MINDY4B: variants seen among roughly 807,000 people sequenced by gnomAD.
MINDY4B encodes inactive ubiquitin carboxyl-terminal hydrolase MINDY-4B.
MINDY4B carries 25 observed loss-of-function variants against 16.7 expected under a neutral mutation model. The ratio of observed to expected loss-of-function variants is 1.49; its 90% CI spans 1.09 to 2.09. MINDY4B has a LOEUF of 2.09. MINDY4B is among the 30% of genes most tolerant of loss of function. The pLI is 0.00. For synonymous variants in MINDY4B, 132 were observed against 61.9 expected, an observed-to-expected ratio of 2.13 and a Z score of -5.32; for missense variants, 327 against 168.4, an observed-to-expected ratio of 1.94 and a Z score of -5.21.
chr3:150,899,773 A>G (rs1300990778), intron 3 of MINDY4B, among the ~76,000 whole-genome samples: 1 of 152,192 alleles, frequency 6.6e-6, no homozygotes, highest in Non-Finnish European at 1.5e-5. Flanking sequence ...GAGGTGCGCT[A>G]GAGGATTATC....
Position 150,891,069 on chromosome 3 carries a change from C to A in MINDY4B, c.556G>T (p.Ala186Ser). 1 of 702,788 alleles carries A rather than the reference C, an allele frequency of 1.4e-6. No homozygotes were observed. The highest frequency in any genetic ancestry group is 2.6e-6 in the Non-Finnish European group (1 of 384,798). 43.5% of individuals were successfully genotyped at this position (702,788 alleles called of 1,614,324 possible). Residue 186 changes from alanine (A) to serine (S), a missense_variant, in exon 6 of 12, where the codon GCC (alanine) becomes TCC (serine). By Grantham distance (99) the Ala-to-Ser change is moderately conservative. Coordinates refer to ENST00000465419, the MANE Select transcript of MINDY4B (RefSeq NM_001351281.2). ...CEISKKEQEQ[A>S]LAAALAGILW... ...ATGCCAGCAAGCGCCGCGGCCAAGG[C>A]TTGCTCCTGCTCCTTCTTGCTTATT...
At chr3:150,902,640 T>G (rs1200883441) in intron 3 of MINDY4B, among the ~76,000 whole-genome samples, 1 of 152,216 alleles carries the variant, frequency 6.6e-6, no homozygotes, top group African/African-American at 2.4e-5. Context: ...CCTGGCTGGA[T>G]CTCTGCCTCA....
chr3:150,873,994 A>C (rs564917461), intron 10 of MINDY4B, among the ~76,000 whole-genome samples: 166 of 142,658 alleles, frequency 1.2e-3, no homozygotes, highest in Non-Finnish European at 2.2e-3. Context: ...TTGTCAATCA[A>C]TTTAGCCTTG....
intron 10 of MINDY4B, among the ~76,000 whole-genome samples, chr3:150,877,953 A>C (rs1711499293): frequency 6.6e-6 from 1 of 152,180 alleles, no homozygotes; most frequent in Non-Finnish European, 1.5e-5. Flanking sequence ...AGTGGACAGA[A>C]TGTGATCATT....
chr3:150,901,817 G>A (rs557334893), intron 3 of MINDY4B, among the ~76,000 whole-genome samples: 27 of 152,212 alleles, frequency 1.8e-4, no homozygotes, highest in African/African-American at 5.5e-4. Flanking sequence ...CACCATGCCC[G>A]GCCAAGGCAG....
chr3:150,872,974 C>A (rs1486253313), intron 11 of MINDY4B, among the ~76,000 whole-genome samples: 1 of 152,096 alleles, frequency 6.6e-6, no homozygotes, highest in South Asian at 2.1e-4. Flanking sequence ...TATTTCTAAC[C>A]CCCCTGCTCC....
At chr3:150,890,236 A>C (rs1345315306) in intron 7 of MINDY4B, 84 bp downstream of exon 7, 1 of 415,544 alleles carries the variant, frequency 2.4e-6, no homozygotes, top group African/African-American at 2.1e-5. Context: ...AACAGGCATC[A>C]TTAGAAATAG....
intron 2 of MINDY4B, among the ~76,000 whole-genome samples, chr3:150,904,096 G>C (rs891033764): frequency 1.4e-4 from 21 of 152,204 alleles, no homozygotes; most frequent in African/African-American, 3.9e-4. Flanking sequence ...TAGAGGCAAA[G>C]ATTCTTTCTT....
chr3:150,898,035 CTCTA>C (rs113864538), intron 3 of MINDY4B, among the ~76,000 whole-genome samples: 11,178 of 152,270 alleles, frequency 0.073, 704 homozygotes, highest in African/African-American at 0.17. Flanking sequence ...TACTGAACCT[CTCTA>C]AGACTTAATT....
chr3:150,872,724 G>T (rs78668933), intron 11 of MINDY4B, among the ~76,000 whole-genome samples: 1 of 152,116 alleles, frequency 6.6e-6, no homozygotes, highest in Non-Finnish European at 1.5e-5. Flanking sequence ...TCAAAAATGC[G>T]TTTTGTGCTC....
At chr3:150,884,640 T>TA (rs11409903) in intron 8 of MINDY4B, among the ~76,000 whole-genome samples, 103,335 of 152,100 alleles carry the variant, frequency 0.68, 35,872 homozygotes, top group African/African-American at 0.82. Context: ...ACATACAGCA[T>TA]AAAATGTGAT....
At chr3:150,896,434 G>A (rs769566625) in intron 3 of MINDY4B, among the ~76,000 whole-genome samples, 53 of 152,186 alleles carry the variant, frequency 3.5e-4, no homozygotes, top group Admixed American at 6.5e-4. Context: ...CTTTCTGGTG[G>A]GGGAAGGGGG....
chr3:150,899,732 G>A (rs1421782560), intron 3 of MINDY4B, among the ~76,000 whole-genome samples: 1 of 152,106 alleles, frequency 6.6e-6, no homozygotes, highest in Non-Finnish European at 1.5e-5. Flanking sequence ...GCATCTGGAG[G>A]GGCACACAAA....
At chr3:150,876,727 G>T (rs1366160344) in intron 10 of MINDY4B, among the ~76,000 whole-genome samples, 3 of 152,282 alleles carry the variant, frequency 2.0e-5, no homozygotes, top group South Asian at 4.2e-4. Flanking sequence ...GATGTGTGCT[G>T]CCAGGGCTGC....
chr3:150,898,385 G>A (rs1712031407), intron 3 of MINDY4B, among the ~76,000 whole-genome samples: 1 of 152,198 alleles, frequency 6.6e-6, no homozygotes. Flanking sequence ...TCTGTTGCCA[G>A]TTCCCACCTC....
At chr3:150,873,391 G>A (rs1488645009) in intron 10 of MINDY4B, 24 bp from the exon 11 acceptor site, 1 of 699,344 alleles carries the variant, frequency 1.4e-6, no homozygotes, top group Admixed American at 2.0e-5. Flanking sequence ...GGGGAATGCA[G>A]ATAAATATAT....
At chr3:150,896,208 G>C (rs1711955426) in intron 3 of MINDY4B, among the ~76,000 whole-genome samples, 2 of 152,096 alleles carry the variant, frequency 1.3e-5, no homozygotes, top group Admixed American at 1.3e-4. Flanking sequence ...TGTGTCCACT[G>C]TTTCTTGAAG....
At position 150,882,836 on chromosome 3, in the gene MINDY4B, C is replaced by T. The variant is rs558820405; in HGVS notation, c.1059+61G>A. 1,006 of 637,252 alleles carry T rather than the reference C, an allele frequency of 1.6e-3. 2 individuals carry two copies. Among genetic ancestry groups the T allele is most frequent in the Admixed American group, 2.6e-3 (114 of 44,214 alleles). The allele number at this position is 637,252 out of a possible 1,614,324, so 39.5% of individuals were successfully genotyped here. ...GGTTTGAATTGCCTAAATAGACAGA[C>T]TTTTAAACTGTTAAAATATTGACAT... On this transcript the variant is annotated intron_variant, in intron 10 of 11. Transcript: ENST00000465419.
rs1344464670 is a variant in MINDY4B, at chr3:150,873,339, A to G, written c.1088T>C (p.Leu363Ser). The G allele has an allele frequency of 5.7e-6, 4 of 702,596 alleles. No homozygotes were observed. Among genetic ancestry groups the G allele is most frequent in the African/African-American group, 1.7e-5 (1 of 57,240 alleles). The allele number at this position is 702,596 out of a possible 1,614,324, so 43.5% of individuals were successfully genotyped here. A position where few individuals can be genotyped will look rare whatever the true frequency, so the allele number is the denominator to read the frequency against. Residue 363 changes from leucine to serine, a missense_variant, in exon 11 of 12, where the codon TTA (leucine) becomes TCA (serine). Transcript: ENST00000465419. ...QVGSMLKTPK[L>S]PIWLCNINGN... ...ATTGATGTTGCACAGCCAAATAGGT[A>G]ATTTGGGAGTCTTCAGCATGCTGCC...
Sources: allele counts gnomAD v4.1 joint callset (sites outside exome capture counted in the v4.1 genomes callset), GRCh38; gene constraint gnomAD v4.1.1; transcripts MANE v1.5; gene names NCBI Gene and HGNC (gene_info 2026-07-23, HGNC 2026-07-21).